FMNL2: variants seen among roughly 807,000 people sequenced by gnomAD.
FMNL2 encodes formin-like protein 2.
FMNL2 carries 51 observed loss-of-function variants against 130.2 expected under a neutral mutation model. The ratio of observed to expected loss-of-function variants is 0.39; its 90% CI spans 0.31 to 0.49. The LOEUF (loss-of-function observed/expected upper bound fraction) is 0.49, where lower values mean the gene tolerates loss of function less well. Ranked by LOEUF, FMNL2 falls within the 20% of genes least tolerant of loss-of-function variation. The pLI is 0.85. For synonymous variants in FMNL2, 465 were observed against 467.1 expected (o/e 1.00, Z 0.06); for missense variants, 977 against 1,316.2 (o/e 0.74, Z 3.99).
intron 1 of FMNL2, among the ~76,000 whole-genome samples, chr2:152,358,369 G>T (rs1682960837): frequency 6.6e-6 from 1 of 152,094 alleles, no homozygotes; most frequent in Non-Finnish European, 1.5e-5. Flanking sequence ...TGCTAATAAG[G>T]CCAGGCGTGG....
At chr2:152,572,042 C>T (rs770720696) in intron 6 of FMNL2, among the ~76,000 whole-genome samples, 16 of 151,916 alleles carry the variant, frequency 1.1e-4, no homozygotes, top group African/African-American at 2.9e-4. Context: ...ATTTGCAACA[C>T]CAGGTAGTAA....
chr2:152,438,660 C>G (rs1687902859), intron 1 of FMNL2, among the ~76,000 whole-genome samples: 1 of 152,090 alleles, frequency 6.6e-6, no homozygotes, highest in African/African-American at 2.4e-5. Flanking sequence ...TCTGTGGCAT[C>G]TATTTTAGTG....
At chr2:152,349,081 C>T (rs1450574678) in intron 1 of FMNL2, among the ~76,000 whole-genome samples, 2 of 125,098 alleles carry the variant, frequency 1.6e-5, no homozygotes, top group East Asian at 2.1e-4. Context: ...ATGATCCACC[C>T]GCCTCGGCCT....
chr2:152,645,385 C>A, intron 25 of FMNL2: 2 of 1,098,496 alleles, frequency 1.8e-6, no homozygotes, highest in East Asian at 5.9e-5. Flanking sequence ...CCATTTTCAT[C>A]CCATTTTTTC....
Position 152,626,517 on chromosome 2 carries a change from T to C in FMNL2, c.1963-8T>C, listed in dbSNP as rs997623826. The C allele has an allele frequency of 2.3e-5, 36 of 1,591,496 alleles. No individual in the cohort carries two copies. The highest frequency in any genetic ancestry group is 3.0e-5 in the Non-Finnish European group (35 of 1,168,192). On this transcript the variant is annotated splice_region_variant and splice_polypyrimidine_tract_variant and intron_variant, in intron 16 of 25. Coordinates refer to ENST00000288670, the MANE Select transcript of FMNL2 (RefSeq NM_052905.4). ...CCAATTTTCCATGGTCATTCCTCTC[T>C]ATCTTAGGATTTAAATGTGGATGAA...
chr2:152,619,774 G>T, intron 15 of FMNL2, 56 bp downstream of exon 15: 2 of 1,563,358 alleles, frequency 1.3e-6, no homozygotes, highest in Non-Finnish European at 1.7e-6. Context: ...GTCTTATCTC[G>T]GAGAGTTGAA....
At chr2:152,496,927 T>G (rs572069542) in intron 1 of FMNL2, among the ~76,000 whole-genome samples, 12 of 152,082 alleles carry the variant, frequency 7.9e-5, no homozygotes, top group Non-Finnish European at 1.8e-4. Context: ...CTTTTCCTGC[T>G]CCAGCCCTGG....
intron 1 of FMNL2, among the ~76,000 whole-genome samples, chr2:152,359,481 C>CTTTTTTTTTT (rs10694393): frequency 0.016 from 1,157 of 72,926 alleles, 13 homozygotes; most frequent in African/African-American, 0.037. Context: ...AAGAGGTAGC[C>CTTTTTTTTTT]TTTTTTTTTT....
intron 3 of FMNL2, among the ~76,000 whole-genome samples, chr2:152,544,723 T>C (rs944071296): frequency 4.6e-5 from 7 of 152,096 alleles, no homozygotes; most frequent in Non-Finnish European, 8.8e-5. Flanking sequence ...TTTCCAGTTC[T>C]GAATAGAAAG....
At chr2:152,344,830 C>T (rs961973790) in intron 1 of FMNL2, among the ~76,000 whole-genome samples, 16 of 152,276 alleles carry the variant, frequency 1.1e-4, no homozygotes, top group African/African-American at 3.1e-4. Context: ...TTCAAATATA[C>T]TTGTGAAATG....
At chr2:152,647,184 A>T (rs1559039965) in intron 25 of FMNL2, among the ~76,000 whole-genome samples, 1 of 151,966 alleles carries the variant, frequency 6.6e-6, no homozygotes, top group Non-Finnish European at 1.5e-5. Context: ...CCCATTTCTT[A>T]AAAAAAATAG....
intron 1 of FMNL2, among the ~76,000 whole-genome samples, chr2:152,456,931 C>A (rs1579709994): frequency 2.1e-5 from 3 of 143,104 alleles, no homozygotes; most frequent in East Asian, 2.0e-4. Context: ...AGTGAGACTC[C>A]CTTTCAAAAA....
At chr2:152,517,128 A>T (rs1286741828) in intron 1 of FMNL2, among the ~76,000 whole-genome samples, 1 of 152,024 alleles carries the variant, frequency 6.6e-6, no homozygotes, top group Non-Finnish European at 1.5e-5. Context: ...GAAGACGCTC[A>T]TTTTTCTTTT....
At chr2:152,625,121 T>A (rs1681689289) in intron 15 of FMNL2, 1 of 256,298 alleles carries the variant, frequency 3.9e-6, no homozygotes, top group East Asian at 6.9e-5. Flanking sequence ...CACTTTTTAT[T>A]TGTCCCAACC....
At chr2:152,402,138 A>G (rs548009881) in intron 1 of FMNL2, among the ~76,000 whole-genome samples, 44 of 152,096 alleles carry the variant, frequency 2.9e-4, no homozygotes, top group African/African-American at 8.2e-4. Flanking sequence ...TCCTGACCTC[A>G]TGATCCGCCC....
intron 1 of FMNL2, among the ~76,000 whole-genome samples, chr2:152,403,779 T>C (rs1468944987): frequency 1.3e-5 from 2 of 152,032 alleles, no homozygotes; most frequent in African/African-American, 4.8e-5. Flanking sequence ...TTATAAGAAA[T>C]AAATGTAGGG....
Position 152,518,742 on chromosome 2 carries a change from G to A in FMNL2, c.118-3201G>A, listed in dbSNP as rs949688212. On this transcript the variant is annotated intron_variant, in intron 1 of 25. Transcript: ENST00000288670. Reference sequence around the variant, plus strand: ...ATTTGTCCACCTTTCTTCATTCAACGTGCCATCGACCCCATCTAAGCTGCC... The same window carrying A: ...ATTTGTCCACCTTTCTTCATTCAACATGCCATCGACCCCATCTAAGCTGCC... Among the ~76,000 whole-genome samples the A allele has an allele frequency of 9.9e-5, 15 of 152,128 alleles. No homozygotes were observed. The East Asian group carries it at 1.7e-3, about 18-fold the overall frequency.
At chr2:152,535,924 G>A (rs542505768) in intron 2 of FMNL2, among the ~76,000 whole-genome samples, 2 of 152,316 alleles carry the variant, frequency 1.3e-5, no homozygotes, top group Non-Finnish European at 2.9e-5. Context: ...GGGGAAGTCC[G>A]CCAGCTACTC....
chr2:152,452,422 C>T (rs1688693223), intron 1 of FMNL2, among the ~76,000 whole-genome samples: 1 of 152,204 alleles, frequency 6.6e-6, no homozygotes, highest in Admixed American at 6.5e-5. Context: ...CATTGGAAGT[C>T]TAGTCAGGGT....
Sources: allele counts gnomAD v4.1 joint callset (sites outside exome capture counted in the v4.1 genomes callset), GRCh38; gene constraint gnomAD v4.1.1; transcripts MANE v1.5; gene names NCBI Gene and HGNC (gene_info 2026-07-23, HGNC 2026-07-21).